Variants in MDN1 observed in about 807,000 individuals in gnomAD.
MDN1 encodes the protein midasin AAA ATPase 1.
MDN1 carries 266 observed loss-of-function variants against 669.2 expected under a neutral mutation model. The ratio of observed to expected loss-of-function variants is 0.40; its 90% CI spans 0.36 to 0.44. The LOEUF is 0.44. Ranked by LOEUF, MDN1 falls within the 20% of genes least tolerant of loss-of-function variation. The pLI is 1.00. For missense variants in MDN1, 5,940 were observed against 6,754.0 expected (o/e 0.88, Z 4.22); for synonymous variants, 2,385 against 2,457.1 (o/e 0.97, Z 0.87).
At chr6:89,715,330 C>G (rs1814278736) in intron 45 of MDN1, among the ~76,000 whole-genome samples, 2 of 152,168 alleles carry the variant, frequency 1.3e-5, no homozygotes, top group Admixed American at 1.3e-4. Flanking sequence ...CAAACCAACC[C>G]ATCTGACCAC....
At chr6:89,653,273 A>G (rs1809007615) in intron 93 of MDN1, 118 bp from the exon 94 acceptor site, 15 of 962,386 alleles carry the variant, frequency 1.6e-5, no homozygotes, top group Non-Finnish European at 2.3e-5. Flanking sequence ...ACTCTCCAAC[A>G]CATTTCCACA....
rs186040590 is a variant in MDN1, at chr6:89,670,007, G to A, written c.13956+912C>T. Among the ~76,000 whole-genome samples the A allele has an allele frequency of 9.9e-5, 15 of 151,038 alleles. No homozygotes were observed. The South Asian group carries it at 1.7e-3, about 17-fold the overall frequency. On this transcript the variant is annotated intron_variant, in intron 83 of 101. Coordinates refer to ENST00000369393, the MANE Select transcript of MDN1 (RefSeq NM_014611.3). ...ATCACAAGGTCAGGAGATCGAGACC[G>A]TCCTGGCCAATGTGGTGAAACCCTG... is the stretch of plus-strand genomic sequence containing the variant.
Position 89,753,430 on chromosome 6 carries a change from GAA to G in MDN1, c.3075+80_3075+81del, listed in dbSNP as rs34799081. On this transcript the variant is annotated intron_variant, in intron 22 of 101. Coordinates refer to ENST00000369393, the MANE Select transcript of MDN1 (RefSeq NM_014611.3). Reference sequence around the variant, plus strand: ...TACCTTTATAATTAAAAAGTTATGTGAAAAAAAAAAAACCAAACAGCTGAAAA... The same window carrying G: ...TACCTTTATAATTAAAAAGTTATGTGAAAAAAAAAACCAAACAGCTGAAAA... The G allele has an allele frequency of 3.0e-3, 2,631 of 885,538 alleles. 2 individuals carry two copies. The highest frequency in any genetic ancestry group is 4.3e-3 in the South Asian group (246 of 56,888). 54.9% of individuals were successfully genotyped at this position (885,538 alleles called of 1,614,324 possible).
At chr6:89,678,405 T>C (rs1208749534) in intron 75 of MDN1, among the ~76,000 whole-genome samples, 194 bp downstream of exon 75, 1 of 152,154 alleles carries the variant, frequency 6.6e-6, no homozygotes, top group African/African-American at 2.4e-5. Flanking sequence ...GGGAAATATT[T>C]GGGAATCATG....
chr6:89,713,184 T>C lies in MDN1; in HGVS notation c.7182A>G (p.Val2394=), dbSNP rs772084237. ...DRAFSEACWE[V]YVCSQHSPAN... ...CTGGTGAATGCTGGGAACAGACATA[T>C]ACTTCCCAGCATGCTTCAGAAAAGG... The change falls in exon 47 of 102, where the codon GTA becomes GTG. Residue 2394 remains valine (V), a synonymous_variant. Transcript: ENST00000369393. The C allele has an allele frequency of 6.2e-7, 1 of 1,614,070 alleles. No individual in the cohort carries two copies. Among genetic ancestry groups the C allele is most frequent in the East Asian group, 2.2e-5 (1 of 44,866 alleles).
intron 5 of MDN1, among the ~76,000 whole-genome samples, chr6:89,793,006 T>C (rs1819362319): frequency 1.3e-5 from 2 of 152,056 alleles, no homozygotes; most frequent in Non-Finnish European, 1.5e-5. Flanking sequence ...AGCCTGACCA[T>C]CAGACAAAGT....
At chr6:89,670,852 A>G in intron 83 of MDN1, 67 bp downstream of exon 83, 1 of 1,525,212 alleles carries the variant, frequency 6.6e-7, no homozygotes, top group South Asian at 1.2e-5. Context: ...TATCACACCA[A>G]AGACTAATGA....
chr6:89,705,973 C>T, intron 53 of MDN1, 86 bp downstream of exon 53: 1 of 1,256,014 alleles, frequency 8.0e-7, no homozygotes, highest in Non-Finnish European at 1.1e-6. Flanking sequence ...TATAACAACA[C>T]TAAAGTTAGT....
At chr6:89,745,716 C>A in intron 27 of MDN1, 90 bp from the exon 28 acceptor site, 1 of 1,253,446 alleles carries the variant, frequency 8.0e-7, no homozygotes, top group Non-Finnish European at 1.1e-6. Context: ...ACAATAGAAA[C>A]TCTCATACGC....
At chr6:89,697,571 G>A (rs1194248339) in intron 59 of MDN1, among the ~76,000 whole-genome samples, 2 of 151,448 alleles carry the variant, frequency 1.3e-5, no homozygotes, top group African/African-American at 2.4e-5. Context: ...ATAAACTGAC[G>A]CTGAACAACC....
At position 89,753,530 on chromosome 6, in the gene MDN1, G is replaced by A; in HGVS notation, c.3057C>T (p.Val1019=). ...LICQHIVPGN[V]KSLLKQPIPE... is the part of the protein sequence containing the mutation. ...AACATACCTGCTTCAGCAGACTCTTGACATTGCCAGGGACAATGTGTTGAC... is the reference window on the plus strand; with the variant it reads ...AACATACCTGCTTCAGCAGACTCTTAACATTGCCAGGGACAATGTGTTGAC... Residue 1019 remains valine (V), a synonymous_variant, in exon 22 of 102, where the codon GTC becomes GTT. Transcript: ENST00000369393. 1.9e-6 allele frequency: 3 copies of A among 1,610,014 alleles called. No individual in the cohort carries two copies. The highest frequency in any genetic ancestry group is 2.6e-6 in the Non-Finnish European group (3 of 1,176,466).
intron 5 of MDN1, among the ~76,000 whole-genome samples, chr6:89,791,397 G>A (rs1320008053): frequency 2.0e-5 from 3 of 152,032 alleles, no homozygotes; most frequent in Non-Finnish European, 4.4e-5. Context: ...GATTTTTAAA[G>A]TTTGCCTCCT....
Position 89,728,092 on chromosome 6 carries a change from C to G in MDN1, c.5350-137G>C, listed in dbSNP as rs1485183197. On this transcript the variant is annotated intron_variant, in intron 36 of 101. Coordinates refer to ENST00000369393, the MANE Select transcript of MDN1 (RefSeq NM_014611.3). ...CTTCCTACACCCAAGATAGAACTAACCAATCCCAGCTCTCTTTACCAGGAG... is the reference window on the plus strand; with the variant it reads ...CTTCCTACACCCAAGATAGAACTAAGCAATCCCAGCTCTCTTTACCAGGAG... The G allele has an allele frequency of 7.8e-6, 8 of 1,021,520 alleles. No individual in the cohort carries two copies. In the Middle Eastern group the frequency reaches 6.9e-4, roughly 88 times the overall value. 63.3% of individuals were successfully genotyped at this position (1,021,520 alleles called of 1,614,324 possible).
intron 12 of MDN1, among the ~76,000 whole-genome samples, chr6:89,775,745 G>A (rs1818324505): frequency 1.3e-5 from 2 of 152,156 alleles, no homozygotes; most frequent in African/African-American, 4.8e-5. Context: ...GAGTGCAGTG[G>A]CACAACCTTG....
chr6:89,700,030 C>A, intron 57 of MDN1, 33 bp downstream of exon 57: 1 of 1,593,040 alleles, frequency 6.3e-7, no homozygotes, highest in Non-Finnish European at 8.6e-7. Flanking sequence ...AAAAAAAGTT[C>A]CCGCAAGGAA....
rs778207435 is a variant in MDN1, at chr6:89,734,670, G to GA, written c.4724-1896dup. ...GCCAGACATTGTCTCAAAGGAAGAA[G>GA]AAAAAAAAAAAAAAAAAAACAAGAG... On this transcript the variant is annotated intron_variant, in intron 33 of 101. Transcript: ENST00000369393. Among the ~76,000 whole-genome samples, 283 of 28,676 alleles carry GA rather than the reference G, an allele frequency of 9.9e-3. 3 individuals carry two copies. The highest frequency in any genetic ancestry group is 0.057 in the African/African-American group (251 of 4,386). 18.8% of individuals were successfully genotyped at this position (28,676 alleles called of 152,430 possible).
chr6:89,732,624 C>CTCTG lies in MDN1; in HGVS notation c.4871_4874dup (p.Glu1625AspfsTer62), dbSNP rs1260626852. ...CAAAAGATGTCACAGTGGAGATGAT[C>CTCTG]TCTGGCCTTTTCAAAGCAGCTTCCT... On this transcript the variant is annotated frameshift_variant, in exon 34 of 102. Coordinates refer to ENST00000369393, the MANE Select transcript of MDN1 (RefSeq NM_014611.3). LOFTEE classifies it high-confidence loss of function. 6.2e-7 allele frequency: 1 copy of CTCTG among 1,613,992 alleles called. No individual in the cohort carries two copies. The highest frequency in any genetic ancestry group is 8.5e-7 in the Non-Finnish European group (1 of 1,180,028).
At chr6:89,818,700 C>T (rs1769019290) in intron 1 of MDN1, among the ~76,000 whole-genome samples, 3 of 151,616 alleles carry the variant, frequency 2.0e-5, no homozygotes, top group African/African-American at 7.3e-5. Context: ...ATCCCAGCTA[C>T]TGAGAGGGTG....
chr6:89,667,171 TTTTGC>T (rs1174823100), intron 84 of MDN1, among the ~76,000 whole-genome samples: 1 of 152,186 alleles, frequency 6.6e-6, no homozygotes, highest in African/African-American at 2.4e-5. Flanking sequence ...TTAGATTTGC[TTTTGC>T]TTTTGACTTT....
Sources: allele counts gnomAD v4.1 joint callset (sites outside exome capture counted in the v4.1 genomes callset), GRCh38; gene constraint gnomAD v4.1.1; transcripts MANE v1.5; gene names NCBI Gene and HGNC (gene_info 2026-07-23, HGNC 2026-07-21).